ROCK1: variants seen among roughly 807,000 people sequenced by gnomAD.
ROCK1 encodes the protein Rho associated coiled-coil containing protein kinase 1.
In ROCK1, 36 loss-of-function variants were observed where a neutral mutation model predicts 196.8. That is an observed-to-expected ratio of 0.18 (90% CI 0.14 to 0.24). The LOEUF is 0.24. ROCK1 is among the 10% of genes least tolerant of loss of function. The probability of loss-of-function intolerance (pLI) is 1.00; values close to 1 mark genes in which losing one functional copy is unlikely to be tolerated. For missense variants in ROCK1, 920 were observed against 1,562.0 expected (o/e 0.59, Z 6.93); for synonymous variants, 443 against 515.9 (o/e 0.86, Z 1.91).
intron 1 of ROCK1, among the ~76,000 whole-genome samples, chr18:21,092,994 T>C (rs1306720833): frequency 6.6e-6 from 1 of 152,198 alleles, no homozygotes; most frequent in African/African-American, 2.4e-5. Flanking sequence ...CCCTCCTTCA[T>C]GCAACCGTAA....
chr18:21,016,451 T>C (rs1365200894), intron 12 of ROCK1, among the ~76,000 whole-genome samples: 1 of 152,092 alleles, frequency 6.6e-6, no homozygotes, highest in Admixed American at 6.5e-5. Flanking sequence ...AAGAGAAAGG[T>C]AGTATATATC....
At chr18:21,065,312 G>A (rs2036324735) in intron 2 of ROCK1, among the ~76,000 whole-genome samples, 2 of 151,632 alleles carry the variant, frequency 1.3e-5, no homozygotes, top group South Asian at 2.1e-4. Context: ...TGTCACTTTT[G>A]TAATCTATAT....
Position 21,028,940 on chromosome 18 carries a change from A to G in ROCK1, c.1052-5T>C, listed in dbSNP as rs2035983902. The G allele has an allele frequency of 6.2e-7, 1 of 1,603,388 alleles. No individual in the cohort carries two copies. Among genetic ancestry groups the G allele is most frequent in the Non-Finnish European group, 8.5e-7 (1 of 1,177,676 alleles). ...CGGGTACAACTGGTGCTACAGCTAA[A>G]GACAAAACAAAATTAGTTGTTCACT... On this transcript the variant is annotated splice_polypyrimidine_tract_variant and splice_region_variant and intron_variant, in intron 9 of 32. Coordinates refer to ENST00000399799, the MANE Select transcript of ROCK1 (RefSeq NM_005406.3).
chr18:20,970,098 C>A (rs1233115244), intron 23 of ROCK1: 4 of 312,226 alleles, frequency 1.3e-5, no homozygotes, highest in Admixed American at 4.6e-5. Flanking sequence ...GATCTACAGC[C>A]AGAAAAACAG....
At chr18:20,992,040 A>C (rs2035631259) in intron 17 of ROCK1, among the ~76,000 whole-genome samples, 2 of 152,196 alleles carry the variant, frequency 1.3e-5, no homozygotes, top group South Asian at 2.1e-4. Flanking sequence ...AAAAACAAAC[A>C]AAAAAACCCC....
intron 25 of ROCK1, among the ~76,000 whole-genome samples, chr18:20,968,332 G>A (rs10164253): frequency 0.18 from 26,622 of 150,828 alleles, 5,116 homozygotes; most frequent in African/African-American, 0.48. Context: ...TTTGAGACTG[G>A]GTCTTGCTCT....
chr18:21,088,358 T>C (rs1389975210), intron 1 of ROCK1, among the ~76,000 whole-genome samples: 1 of 152,042 alleles, frequency 6.6e-6, no homozygotes, highest in African/African-American at 2.4e-5. Context: ...TAGCGGGGCA[T>C]CGAGGCACAC....
chr18:20,975,942 C>A (rs1420607222), intron 22 of ROCK1, among the ~76,000 whole-genome samples: 1 of 152,188 alleles, frequency 6.6e-6, no homozygotes, highest in Non-Finnish European at 1.5e-5. Flanking sequence ...CTTTCTCTTT[C>A]TGGAAATATT....
intron 29 of ROCK1, among the ~76,000 whole-genome samples, chr18:20,959,057 T>TATTATA (rs1491573135): frequency 2.1e-5 from 1 of 46,920 alleles, no homozygotes; most frequent in African/African-American, 1.6e-4. Context: ...AATATATATA[T>TATTATA]TATATTTTAT....
chr18:21,042,482 T>C, intron 7 of ROCK1, 83 bp downstream of exon 7: 1 of 1,353,850 alleles, frequency 7.4e-7, no homozygotes, highest in Non-Finnish European at 1.0e-6. Context: ...TTGCTTAATA[T>C]AATAAATATA....
intron 16 of ROCK1, among the ~76,000 whole-genome samples, chr18:20,995,004 CAATA>C (rs1472334421): frequency 6.6e-6 from 1 of 151,998 alleles, no homozygotes; most frequent in East Asian, 1.9e-4. Flanking sequence ...ACCACACTAA[CAATA>C]AAGAAAAAAC....
At chr18:21,037,642 A>C (rs2036068675) in intron 9 of ROCK1, among the ~76,000 whole-genome samples, 1 of 152,146 alleles carries the variant, frequency 6.6e-6, no homozygotes, top group African/African-American at 2.4e-5. Flanking sequence ...AAACTACCAA[A>C]ATTCTTTTAA....
intron 15 of ROCK1, 42 bp from the exon 16 acceptor site, chr18:21,006,639 T>C (rs2035771429): frequency 1.3e-6 from 2 of 1,592,296 alleles, no homozygotes; most frequent in Non-Finnish European, 1.7e-6. Flanking sequence ...CTGACCAAAG[T>C]ACGATATAAT....
intron 8 of ROCK1, among the ~76,000 whole-genome samples, chr18:21,041,357 C>A (rs1342112814): frequency 6.7e-6 from 1 of 148,874 alleles, no homozygotes; most frequent in Non-Finnish European, 1.5e-5. Flanking sequence ...CAAGTTAAAG[C>A]AAATCTCAAC....
intron 19 of ROCK1, among the ~76,000 whole-genome samples, 169 bp downstream of exon 19, chr18:20,986,781 G>A (rs1308103900): frequency 6.6e-6 from 1 of 152,206 alleles, no homozygotes; most frequent in Non-Finnish European, 1.5e-5. Flanking sequence ...ACTATTTGAA[G>A]AGGAAAATTC....
intron 22 of ROCK1, among the ~76,000 whole-genome samples, chr18:20,975,263 T>C (rs1317869446): frequency 6.6e-6 from 1 of 152,184 alleles, no homozygotes; most frequent in East Asian, 1.9e-4. Context: ...GGGAAGGCCT[T>C]GTCAAATGAT....
At chr18:21,062,685 G>A (rs1207608143) in intron 2 of ROCK1, among the ~76,000 whole-genome samples, 1 of 152,070 alleles carries the variant, frequency 6.6e-6, no homozygotes, top group African/African-American at 2.4e-5. Flanking sequence ...CTTACTAGTG[G>A]AGAAGCTTGC....
intron 9 of ROCK1, among the ~76,000 whole-genome samples, chr18:21,036,522 G>A (rs751497992): frequency 7.2e-5 from 11 of 152,056 alleles, no homozygotes; most frequent in Non-Finnish European, 1.3e-4. Flanking sequence ...ATAGCTAACC[G>A]CACCCTTGAA....
intron 18 of ROCK1, among the ~76,000 whole-genome samples, chr18:20,990,488 G>A (rs372025423): frequency 5.5e-4 from 84 of 151,762 alleles, no homozygotes; most frequent in African/African-American, 1.9e-3. Flanking sequence ...GAAGTCAGGA[G>A]TTCGAGACCA....
Sources: allele counts gnomAD v4.1 joint callset (sites outside exome capture counted in the v4.1 genomes callset), GRCh38; gene constraint gnomAD v4.1.1; transcripts MANE v1.5; gene names NCBI Gene and HGNC (gene_info 2026-07-23, HGNC 2026-07-21).